Variants in CRAMP1 observed in about 807,000 individuals in gnomAD.
The protein encoded by CRAMP1 is protein cramped-like.
A neutral mutation model predicts 115.4 loss-of-function variants in CRAMP1; 50 were observed. That is an observed-to-expected ratio of 0.43 (90% confidence interval 0.35 to 0.55). The LOEUF is 0.55. CRAMP1 is among the 20% of genes least tolerant of loss of function. CRAMP1 has a pLI of 0.01. For missense variants in CRAMP1, 1,679 were observed against 1,721.7 expected, an observed-to-expected ratio of 0.98 and a Z score of 0.44; for synonymous variants, 866 against 745.4, an observed-to-expected ratio of 1.16 and a Z score of -2.64.
chr16:1,626,517 G>T (rs1174810807), intron 3 of CRAMP1, among the ~76,000 whole-genome samples: 1 of 151,876 alleles, frequency 6.6e-6, no homozygotes, highest in African/African-American at 2.4e-5. Flanking sequence ...GGCTGATTTA[G>T]GCGGGATGGC....
intron 4 of CRAMP1, among the ~76,000 whole-genome samples, chr16:1,636,452 G>GAAAA (rs1276004761): frequency 6.6e-6 from 1 of 152,118 alleles, no homozygotes; most frequent in Non-Finnish European, 1.5e-5. Context: ...AAGAGCCTTT[G>GAAAA]AGAGCAGTTG....
At chr16:1,670,477 G>T (rs574419543) in intron 19 of CRAMP1, 187 bp from the exon 20 acceptor site, 13 of 637,786 alleles carry the variant, frequency 2.0e-5, no homozygotes, top group South Asian at 5.5e-5. Context: ...ATGCACGAAG[G>T]CCTGTTAAAC....
chr16:1,662,617 C>A lies in CRAMP1; in HGVS notation c.2541C>A (p.Phe847Leu). The A allele has an allele frequency of 6.2e-7, 1 of 1,614,036 alleles. No homozygotes were observed. Among genetic ancestry groups the A allele is most frequent in the Non-Finnish European group, 8.5e-7 (1 of 1,179,902 alleles). Residue 847 changes from phenylalanine (F) to leucine (L), a missense_variant, in exon 12 of 21, where the codon TTC becomes TTA. By Grantham distance (22) the Phe-to-Leu change is conservative. Coordinates refer to ENST00000397412, the MANE Select transcript of CRAMP1 (RefSeq NM_020825.4). ...LPPNSRHGKLFSPSKEAELTF... is the reference protein window; with the variant it reads ...LPPNSRHGKLLSPSKEAELTF... ...CCAACAGCCGACACGGGAAGCTCTT[C>A]TCTCCCAGTAAAGAAGCAGAGCTGA...
chr16:1,653,990 A>G (rs965073327), intron 8 of CRAMP1, among the ~76,000 whole-genome samples: 2 of 150,186 alleles, frequency 1.3e-5, no homozygotes, highest in African/African-American at 4.9e-5. Flanking sequence ...AAATACAAAA[A>G]AAATTAGCCG....
In CRAMP1 at chr16:1,625,702, C is replaced by G. The variant is rs1165379757; in HGVS notation, c.347-271C>G. 4 of 340,090 alleles carry G rather than the reference C, an allele frequency of 1.2e-5. No homozygotes were observed. In the Admixed American group the frequency reaches 1.4e-4, roughly 12 times the overall value. The allele number at this position is 340,090 out of a possible 1,614,324, so 21.1% of individuals were successfully genotyped here. A position where few individuals can be genotyped will look rare whatever the true frequency, so the allele number is the denominator to read the frequency against. On this transcript the variant is annotated intron_variant, in intron 2 of 20. Transcript: ENST00000397412. ...GTGGACAGGGCGTCTTAGGCTGCAG[C>G]GTCATTGTGCTGTTACATGGTTCCA...
At chr16:1,635,032 G>T (rs1300199929) in intron 4 of CRAMP1, among the ~76,000 whole-genome samples, 1 of 152,112 alleles carries the variant, frequency 6.6e-6, no homozygotes, top group Non-Finnish European at 1.5e-5. Flanking sequence ...CCGAGTAGCT[G>T]GGATTACAGG....
chr16:1,623,519 C>A (rs538082628), intron 2 of CRAMP1, among the ~76,000 whole-genome samples: 1 of 152,198 alleles, frequency 6.6e-6, no homozygotes, highest in African/African-American at 2.4e-5. Flanking sequence ...TTCAAATATA[C>A]CTAATGCCAA....
chr16:1,632,055 G>A (rs1010818443), intron 3 of CRAMP1, among the ~76,000 whole-genome samples, 157 bp from the exon 4 acceptor site: 2 of 152,164 alleles, frequency 1.3e-5, no homozygotes, highest in African/African-American at 4.8e-5. Context: ...GGGAGTCGAA[G>A]TTCAAGTTCA....
chr16:1,671,785 G>A lies in CRAMP1; in HGVS notation c.3645+976G>A, dbSNP rs1264846381. 6.6e-6 allele frequency among the ~76,000 whole-genome samples: 1 copy of A among 152,222 alleles called. No homozygotes were observed. Among genetic ancestry groups the A allele is most frequent in the African/African-American group, 2.4e-5 (1 of 41,466 alleles). On this transcript the variant is annotated intron_variant, in intron 20 of 20. Coordinates refer to ENST00000397412, the MANE Select transcript of CRAMP1 (RefSeq NM_020825.4). This position sits in a 1 kb window ranked among gnomAD's most constrained non-coding sequence, Gnocchi z 5.0. Reference sequence around the variant, plus strand: ...TTCTCACGGACACCTCCGCTACCCAGTATCCGAATGTGAATCGTGACTCTT... The same window carrying A: ...TTCTCACGGACACCTCCGCTACCCAATATCCGAATGTGAATCGTGACTCTT...
At chr16:1,646,136 A>G (rs1442731254) in intron 6 of CRAMP1, among the ~76,000 whole-genome samples, 2 of 152,162 alleles carry the variant, frequency 1.3e-5, no homozygotes, top group African/African-American at 2.4e-5. Context: ...GTCATGTTCC[A>G]CAGTGTTGAC....
chr16:1,649,367 A>T (rs1180924164), intron 6 of CRAMP1, among the ~76,000 whole-genome samples: 2 of 152,230 alleles, frequency 1.3e-5, no homozygotes, highest in African/African-American at 4.8e-5. Flanking sequence ...CAATGGATAG[A>T]TAGAAGAGTA....
intron 4 of CRAMP1, 61 bp from the exon 5 acceptor site, chr16:1,637,763 C>T: frequency 2.4e-6 from 2 of 838,622 alleles, no homozygotes; most frequent in East Asian, 3.1e-5. Flanking sequence ...GGCTCTCACA[C>T]CCAAGCCAGG....
Position 1,625,304 on chromosome 16 carries a change from G to A in CRAMP1, c.347-669G>A, listed in dbSNP as rs535558094. Among the ~76,000 whole-genome samples the A allele has an allele frequency of 3.3e-5, 5 of 152,266 alleles. No individual in the cohort carries two copies. The South Asian group carries it at 6.2e-4, about 19-fold the overall frequency. On this transcript the variant is annotated intron_variant, in intron 2 of 20. Coordinates refer to ENST00000397412, the MANE Select transcript of CRAMP1 (RefSeq NM_020825.4). ...CACAGCTGGGGAATGAAGCCTCCTC[G>A]GGGTCGTCTTGGGCTTTTCCCTCCT...
intron 2 of CRAMP1, among the ~76,000 whole-genome samples, chr16:1,623,053 C>A (rs559385923): frequency 2.2e-4 from 34 of 152,086 alleles, no homozygotes; most frequent in Admixed American, 1.8e-3. Flanking sequence ...CCCACCACCA[C>A]GCCCGGTTAA....
intron 6 of CRAMP1, among the ~76,000 whole-genome samples, chr16:1,648,829 C>T (rs577292920): frequency 6.6e-5 from 10 of 152,152 alleles, no homozygotes; most frequent in South Asian, 4.1e-4. Flanking sequence ...GAGGCCGAGG[C>T]GGGCGGATCA....
chr16:1,649,526 G>A (rs1336674663), intron 6 of CRAMP1, among the ~76,000 whole-genome samples: 1 of 152,058 alleles, frequency 6.6e-6, no homozygotes, highest in Non-Finnish European at 1.5e-5. Flanking sequence ...GTCTCACTCT[G>A]TTGCTCAGGC....
Position 1,653,016 on chromosome 16 carries a change from G to A in CRAMP1, c.914-17G>A, listed in dbSNP as rs1349552709. 4.3e-6 allele frequency: 7 copies of A among 1,613,266 alleles called. No individual in the cohort carries two copies. Among genetic ancestry groups the A allele is most frequent in the Non-Finnish European group, 5.9e-6 (7 of 1,179,676 alleles). On this transcript the variant is annotated splice_polypyrimidine_tract_variant and intron_variant, in intron 7 of 20. Coordinates refer to ENST00000397412, the MANE Select transcript of CRAMP1 (RefSeq NM_020825.4). Reference sequence around the variant, plus strand: ...GGTTGGGCTGCACTAAACTTTCATGGTTCTTCTGCATTGCAGGCTTGAGTG... The same window carrying A: ...GGTTGGGCTGCACTAAACTTTCATGATTCTTCTGCATTGCAGGCTTGAGTG...
chr16:1,668,820 T>C (rs1405925172), intron 18 of CRAMP1, among the ~76,000 whole-genome samples, 181 bp from the exon 19 acceptor site: 1 of 152,188 alleles, frequency 6.6e-6, no homozygotes, highest in African/African-American at 2.4e-5. Flanking sequence ...CGCTGCGCCC[T>C]GCCTCCCTGC....
At chr16:1,622,238 C>T (rs984145193) in intron 2 of CRAMP1, among the ~76,000 whole-genome samples, 7 of 152,204 alleles carry the variant, frequency 4.6e-5, no homozygotes, top group South Asian at 2.1e-4. Flanking sequence ...TTAGGCCGGG[C>T]GCAGTGGCCC....
Sources: gnomAD v4.1 joint callset for allele counts (sites outside exome capture counted in the v4.1 genomes callset) on GRCh38, gnomAD v4.1.1 for gene constraint, Gnocchi (gnomAD v3.1) non-coding constraint, MANE v1.5 for transcripts, NCBI Gene and HGNC (gene_info 2026-07-23, HGNC 2026-07-21) for gene names.